VPS13D: variants seen among roughly 807,000 people sequenced by gnomAD.
VPS13D encodes the protein intermembrane lipid transfer protein VPS13D.
In VPS13D, 187 loss-of-function variants were observed where a neutral mutation model predicts 461.9. The observed-to-expected ratio is 0.40, with a 90% CI of 0.36 to 0.46. The LOEUF is 0.46. Ranked by LOEUF, VPS13D falls within the 20% of genes least tolerant of loss-of-function variation. The probability of loss-of-function intolerance (pLI) is 0.60; values close to 1 mark genes in which losing one functional copy is unlikely to be tolerated. For missense variants in VPS13D, 4,711 were observed against 5,364.9 expected (o/e 0.88, Z 3.81); for synonymous variants, 1,951 against 1,986.3 (o/e 0.98, Z 0.47).
intron 41 of VPS13D, 99 bp downstream of exon 41, chr1:12,341,984 G>T (rs1033653062): frequency 1.9e-6 from 2 of 1,033,832 alleles, no homozygotes; most frequent in African/African-American, 3.2e-5. Flanking sequence ...GAGGCTCTTG[G>T]GATGATATTT....
Position 12,348,980 on chromosome 1 carries a change from T to C in VPS13D, c.9220+7T>C. ...AGCCCATCAGCTCCAGACAGTATGTTTTGATTGTCTAGCATATAGTAAATG... is the reference window on the plus strand; with the variant it reads ...AGCCCATCAGCTCCAGACAGTATGTCTTGATTGTCTAGCATATAGTAAATG... On this transcript the variant is annotated splice_region_variant and intron_variant, in intron 45 of 69. Transcript: ENST00000620676. 1 of 1,614,166 alleles carries C rather than the reference T, an allele frequency of 6.2e-7. No individual in the cohort carries two copies. The highest frequency in any genetic ancestry group is 8.5e-7 in the Non-Finnish European group (1 of 1,180,012).
chr1:12,469,452 G>T (rs1416726214), intron 67 of VPS13D, among the ~76,000 whole-genome samples: 1 of 152,202 alleles, frequency 6.6e-6, no homozygotes, highest in Non-Finnish European at 1.5e-5. Flanking sequence ...TTACAAAAAT[G>T]TGCAGGTGCC....
chr1:12,335,588 C>G, intron 38 of VPS13D, 117 bp from the exon 39 acceptor site: 1 of 1,321,026 alleles, frequency 7.6e-7, no homozygotes, highest in South Asian at 1.6e-5. Flanking sequence ...GAATCTAGCA[C>G]AGGCCAGGCA....
At chr1:12,506,248 G>A (rs1169110590) in intron 68 of VPS13D, among the ~76,000 whole-genome samples, 2 of 152,216 alleles carry the variant, frequency 1.3e-5, no homozygotes, top group African/African-American at 4.8e-5. Context: ...ATTCAGTTTT[G>A]TTGGAGTGGC....
At chr1:12,242,626 T>A in intron 3 of VPS13D, 36 bp downstream of exon 3, 1 of 1,573,606 alleles carries the variant, frequency 6.4e-7, no homozygotes. Context: ...GAAATTTGAG[T>A]CTTAAATTGT....
At chr1:12,262,186 A>T in intron 13 of VPS13D, 106 bp downstream of exon 13, 4 of 1,242,276 alleles carry the variant, frequency 3.2e-6, no homozygotes, top group Non-Finnish European at 4.4e-6. Flanking sequence ...GTCAGTGCGA[A>T]AACTGTATTA....
chr1:12,274,420 A>G (rs966813921), intron 18 of VPS13D, among the ~76,000 whole-genome samples: 1 of 150,690 alleles, frequency 6.6e-6, no homozygotes, highest in Non-Finnish European at 1.5e-5. Flanking sequence ...AAAGTGATCT[A>G]CCTGTCTTGG....
intron 67 of VPS13D, among the ~76,000 whole-genome samples, chr1:12,487,610 C>G: frequency 1.1e-5 from 1 of 89,858 alleles, no homozygotes; most frequent in South Asian, 3.7e-4. Context: ...GATTCCATCT[C>G]AAAAAAAAAA....
Position 12,403,883 on chromosome 1 carries a change from A to G in VPS13D, c.11940A>G (p.Pro3980=), listed in dbSNP as rs1644613050. ...HEKTAEQGGT[P]IRYYFENLKI... ...AGACAGCTGAGCAAGGTGGAACACC[A>G]ATTCGATACTACTTTGAAAATCTCA... Residue 3980 remains proline, a synonymous_variant, in exon 63 of 70, where the codon CCA becomes CCG. Coordinates refer to ENST00000620676, the MANE Select transcript of VPS13D (RefSeq NM_015378.4). The G allele has an allele frequency of 6.2e-7, 1 of 1,613,288 alleles. No individual in the cohort carries two copies.
rs1240099332 is a variant in VPS13D at position 12,327,677 on chromosome 1, T to G, written c.8020T>G (p.Phe2674Val). Residue 2674 changes from phenylalanine (F) to valine (V), a missense_variant, in exon 36 of 70, where the codon TTT becomes GTT. Around this residue, in one of 3 missense-constraint regions of VPS13D, gnomAD observed 4,411 missense variants for 4,937.8 expected, o/e 0.89. Coordinates refer to ENST00000620676, the MANE Select transcript of VPS13D (RefSeq NM_015378.4). ...ATTGAAAAAGGCAGCAAGTTGGTTGTTTAAGAATGCGGAACCTCTGAAGTC... is the reference window on the plus strand; with the variant it reads ...ATTGAAAAAGGCAGCAAGTTGGTTGGTTAAGAATGCGGAACCTCTGAAGTC... Reference protein sequence around the residue: ...GQLKKAASWLFKNAEPLKSLS... With the variant: ...GQLKKAASWLVKNAEPLKSLS... The G allele has an allele frequency of 1.2e-6, 2 of 1,614,112 alleles. No individual in the cohort carries two copies. Among genetic ancestry groups the G allele is most frequent in the Non-Finnish European group, 1.7e-6 (2 of 1,179,996 alleles).
At chr1:12,373,044 T>A (rs1644143595) in intron 54 of VPS13D, among the ~76,000 whole-genome samples, 1 of 150,234 alleles carries the variant, frequency 6.7e-6, no homozygotes, top group Admixed American at 6.7e-5. Context: ...ATGCTGATCA[T>A]CTGCCTGGCA....
At position 12,273,051 on chromosome 1, in the gene VPS13D, GTGA is replaced by G. The variant is rs1448994667; in HGVS notation, c.2154_2156del (p.Ile719del). The stretch of plus-strand genomic sequence containing the variant: ...GCGGCTGGATATTTCTGCCCCTCAG[GTGA>G]TATTTCCTGATGATTTCAAATTCAA... On this transcript the variant is annotated inframe_deletion, in exon 18 of 70. Coordinates refer to ENST00000620676, the MANE Select transcript of VPS13D (RefSeq NM_015378.4). 6.2e-7 allele frequency: 1 copy of G among 1,613,952 alleles called. No homozygotes were observed. Among genetic ancestry groups the G allele is most frequent in the Non-Finnish European group, 8.5e-7 (1 of 1,180,000 alleles).
intron 36 of VPS13D, among the ~76,000 whole-genome samples, chr1:12,329,257 G>A (rs547389094): frequency 2.6e-5 from 4 of 151,022 alleles, no homozygotes; most frequent in South Asian, 2.1e-4. Flanking sequence ...CTTTGTTGCC[G>A]GGCTGGAGTG....
At chr1:12,393,325 T>C (rs1570081169) in intron 60 of VPS13D, among the ~76,000 whole-genome samples, 1 of 152,260 alleles carries the variant, frequency 6.6e-6, no homozygotes, top group Non-Finnish European at 1.5e-5. Context: ...AGAGTTGATA[T>C]ACCCCTGCGG....
intron 67 of VPS13D, among the ~76,000 whole-genome samples, chr1:12,472,227 A>G (rs1027297266): frequency 1.3e-5 from 2 of 152,172 alleles, no homozygotes; most frequent in African/African-American, 2.4e-5. Context: ...CTCTTTAAAG[A>G]TGAGGCACTA....
chr1:12,346,690 G>C, intron 44 of VPS13D, 38 bp downstream of exon 44: 1 of 1,555,424 alleles, frequency 6.4e-7, no homozygotes, highest in Non-Finnish European at 8.8e-7. Context: ...TGTTTATTGC[G>C]TATATACACT....
chr1:12,368,786 T>G (rs1475708257), intron 53 of VPS13D, among the ~76,000 whole-genome samples, 195 bp downstream of exon 53: 1 of 152,238 alleles, frequency 6.6e-6, no homozygotes, highest in Non-Finnish European at 1.5e-5. Context: ...TTTTGATTGC[T>G]AGGCAGCCTT....
chr1:12,310,793 TTCCCTCCCTCCC>T (rs1227739408), intron 27 of VPS13D, among the ~76,000 whole-genome samples: 24 of 127,146 alleles, frequency 1.9e-4, no homozygotes, highest in African/African-American at 4.4e-4. Flanking sequence ...CCTTCCTTCC[TTCCCTCCCTCCC>T]TCCCTCCCTC....
chr1:12,307,295 G>T (rs551604985), intron 26 of VPS13D, among the ~76,000 whole-genome samples: 1 of 152,148 alleles, frequency 6.6e-6, no homozygotes, highest in East Asian at 1.9e-4. Context: ...AGAGAAGACT[G>T]AATTTAGATG....
Sources: allele counts gnomAD v4.1 joint callset (sites outside exome capture counted in the v4.1 genomes callset), GRCh38; gene constraint gnomAD v4.1.1; regional missense constraint gnomAD v4.1.1; transcripts MANE v1.5; gene names NCBI Gene and HGNC (gene_info 2026-07-23, HGNC 2026-07-21).